Variants in INPP4B observed in about 807,000 individuals in gnomAD.
INPP4B encodes inositol polyphosphate-4-phosphatase type II B.
INPP4B carries 55 observed loss-of-function variants against 122.5 expected under a neutral mutation model. The ratio of observed to expected loss-of-function variants is 0.45; its 90% CI spans 0.36 to 0.56. INPP4B has a LOEUF of 0.56. INPP4B is among the 20% of genes least tolerant of loss of function. INPP4B has a pLI of 0.00. For missense variants in INPP4B, 1,000 were observed against 1,097.7 expected (o/e 0.91, Z 1.26); for synonymous variants, 403 against 388.7 (o/e 1.04, Z -0.43).
chr4:142,457,514 T>C (rs953342650), intron 3 of INPP4B, among the ~76,000 whole-genome samples: 1 of 152,132 alleles, frequency 6.6e-6, no homozygotes, highest in Non-Finnish European at 1.5e-5. Flanking sequence ...ATAAGATATA[T>C]TGATGCTAAA....
chr4:142,822,568 T>C (rs1188211311), intron 1 of INPP4B, among the ~76,000 whole-genome samples: 1 of 152,166 alleles, frequency 6.6e-6, no homozygotes, highest in Non-Finnish European at 1.5e-5. Flanking sequence ...TATGAGAATC[T>C]AATGCCTGAA....
intron 2 of INPP4B, among the ~76,000 whole-genome samples, chr4:142,498,118 T>TAC (rs1286960748): frequency 2.1e-5 from 3 of 142,790 alleles, no homozygotes; most frequent in African/African-American, 8.8e-5. Flanking sequence ...TGTATATATA[T>TAC]ATACACACAC....
chr4:142,481,614 TGTTATA>T (rs1474676078), intron 2 of INPP4B, among the ~76,000 whole-genome samples: 1 of 152,190 alleles, frequency 6.6e-6, no homozygotes, highest in Non-Finnish European at 1.5e-5. Flanking sequence ...ATTTGTTATG[TGTTATA>T]GTTGTATTAA....
rs1245491732 is a variant in INPP4B, at chr4:142,230,772, T to C, written c.836+7092A>G. 2.6e-5 allele frequency among the ~76,000 whole-genome samples: 4 copies of C among 152,284 alleles called. No homozygotes were observed. In the East Asian group the frequency reaches 7.7e-4, roughly 29 times the overall value. ...ACTATTTCACATAGTGAGCATGTAT[T>C]ATTTTCATGGCAAAAACTCAATATA... is the stretch of plus-strand genomic sequence containing the variant. On this transcript the variant is annotated intron_variant, in intron 12 of 25. Coordinates refer to ENST00000262992, the MANE Select transcript of INPP4B (RefSeq NM_001101669.3).
At chr4:142,145,781 T>TC in intron 18 of INPP4B, 59 bp downstream of exon 18, 1 of 1,532,470 alleles carries the variant, frequency 6.5e-7, no homozygotes, top group Non-Finnish European at 9.0e-7. Flanking sequence ...CATTTTTTTT[T>TC]CACGAGTTTC....
chr4:142,120,922 C>T (rs1304220616), intron 21 of INPP4B, among the ~76,000 whole-genome samples: 3 of 152,052 alleles, frequency 2.0e-5, no homozygotes, highest in Non-Finnish European at 4.4e-5. Flanking sequence ...GTGTGCTAAG[C>T]TGCTCACTTC....
intron 2 of INPP4B, among the ~76,000 whole-genome samples, chr4:142,516,263 T>C (rs925833329): frequency 2.0e-5 from 3 of 152,086 alleles, no homozygotes; most frequent in Middle Eastern, 3.2e-3. Context: ...TACTGAAAAA[T>C]AGTCACTATG....
rs1554013640 is a variant in INPP4B at position 142,237,910 on chromosome 4, T to C, written c.790A>G (p.Ile264Val). The C allele has an allele frequency of 6.3e-7, 1 of 1,582,814 alleles. No homozygotes were observed. The highest frequency in any genetic ancestry group is 1.1e-5 in the South Asian group (1 of 88,100). Residue 264 changes from isoleucine (I) to valine (V), a missense_variant, in exon 12 of 26, where the codon ATT (isoleucine) becomes GTT (valine). By Grantham distance (29) the Ile-to-Val change is conservative. Coordinates refer to ENST00000262992, the MANE Select transcript of INPP4B (RefSeq NM_001101669.3). The part of the protein sequence containing the change: ...QMSESILSFH[I>V]PKELISLHIK... ...TGAAGGGAAATCAATTCCTTAGGAA[T>C]ATGAAAGGAAAGAATGCTCTCTGAC...
intron 18 of INPP4B, among the ~76,000 whole-genome samples, chr4:142,127,656 G>T (rs1024494372): frequency 2.6e-5 from 4 of 152,102 alleles, no homozygotes; most frequent in African/African-American, 9.7e-5. Context: ...TCAGGACAAT[G>T]ACAATATCGG....
At chr4:142,220,668 G>A (rs116699019) in intron 12 of INPP4B, among the ~76,000 whole-genome samples, 108 of 152,220 alleles carry the variant, frequency 7.1e-4, no homozygotes, top group African/African-American at 2.4e-3. Flanking sequence ...TGCTAAGACT[G>A]CCATAAGAAA....
At chr4:142,061,244 C>T (rs945653904) in intron 25 of INPP4B, among the ~76,000 whole-genome samples, 4 of 152,146 alleles carry the variant, frequency 2.6e-5, no homozygotes, top group East Asian at 1.9e-4. Flanking sequence ...TCCCTGCTAC[C>T]GTACATGTGC....
intron 2 of INPP4B, chr4:142,474,348 G>A (rs1819454674): frequency 2.0e-5 from 3 of 152,150 alleles, no homozygotes; most frequent in African/African-American, 7.2e-5. Flanking sequence ...GCCTCAAACT[G>A]CAGGTAGCTA....
chr4:142,269,522 T>A (rs774763338), intron 10 of INPP4B, among the ~76,000 whole-genome samples: 6 of 152,094 alleles, frequency 3.9e-5, no homozygotes, highest in Non-Finnish European at 8.8e-5. Flanking sequence ...TTCAAACTCA[T>A]AGAAGTAGAG....
At chr4:142,270,035 A>C (rs1744990430) in intron 10 of INPP4B, among the ~76,000 whole-genome samples, 1 of 152,196 alleles carries the variant, frequency 6.6e-6, no homozygotes, top group African/African-American at 2.4e-5. Flanking sequence ...TCTCTGCCTT[A>C]GTGAAAAGGA....
intron 2 of INPP4B, among the ~76,000 whole-genome samples, chr4:142,578,563 G>A (rs567301062): frequency 6.6e-6 from 1 of 151,978 alleles, no homozygotes; most frequent in South Asian, 2.1e-4. Flanking sequence ...TGTGAGCACA[G>A]ACATCCCTGG....
At chr4:142,051,111 A>G (rs1004921582) in intron 25 of INPP4B, among the ~76,000 whole-genome samples, 2 of 152,024 alleles carry the variant, frequency 1.3e-5, no homozygotes, top group African/African-American at 4.8e-5. Flanking sequence ...GCATATTTGT[A>G]TAAGTTAAAA....
At chr4:142,688,626 G>T (rs1282123485) in intron 2 of INPP4B, among the ~76,000 whole-genome samples, 1 of 152,106 alleles carries the variant, frequency 6.6e-6, no homozygotes, top group African/African-American at 2.4e-5. Flanking sequence ...TCATTCCTGG[G>T]CATAGGCTGA....
chr4:142,797,568 C>T (rs72728657), intron 1 of INPP4B, among the ~76,000 whole-genome samples: 1,873 of 151,736 alleles, frequency 0.012, 16 homozygotes, highest in Non-Finnish European at 0.021. Context: ...TCAAATTTCC[C>T]AAACTGATAA....
At chr4:142,259,233 T>C (rs903310835) in intron 11 of INPP4B, among the ~76,000 whole-genome samples, 9 of 147,436 alleles carry the variant, frequency 6.1e-5, no homozygotes, top group Non-Finnish European at 9.0e-5. Flanking sequence ...AGGGATAGCA[T>C]TGGGAGATAT....
Sources: allele counts gnomAD v4.1 joint callset (sites outside exome capture counted in the v4.1 genomes callset), GRCh38; gene constraint gnomAD v4.1.1; transcripts MANE v1.5; gene names NCBI Gene and HGNC (gene_info 2026-07-23, HGNC 2026-07-21).